The following KCNH8 variants were observed in gnomAD, a reference collection of about 807,000 sequenced individuals.
KCNH8 encodes potassium voltage-gated channel subfamily H member 8, also known as voltage-gated delayed rectifier potassium channel KCNH8.
Under a neutral mutation model 103.6 loss-of-function variants are expected in KCNH8, and 70 were observed. That is an observed-to-expected ratio of 0.68 (90% confidence interval 0.56 to 0.82). KCNH8 has a LOEUF of 0.82. KCNH8 is among the 40% of genes least tolerant of loss of function. KCNH8 has a pLI of 0.00. For synonymous variants in KCNH8, 498 were observed against 489.4 expected, an observed-to-expected ratio of 1.02 and a Z score of -0.23; for missense variants, 1,217 against 1,329.9, an observed-to-expected ratio of 0.92 and a Z score of 1.32.
At chr3:19,493,519 C>T (rs2068371342) in intron 11 of KCNH8, among the ~76,000 whole-genome samples, 1 of 152,136 alleles carries the variant, frequency 6.6e-6, no homozygotes, top group Non-Finnish European at 1.5e-5. Flanking sequence ...CCTGCTTCCC[C>T]TTCTGCCATG....
chr3:19,390,464 T>C lies in KCNH8; in HGVS notation c.812-17T>C. 6.4e-7 allele frequency: 1 copy of C among 1,562,658 alleles called. No homozygotes were observed. The highest frequency in any genetic ancestry group is 8.7e-7 in the Non-Finnish European group (1 of 1,143,652). On this transcript the variant is annotated splice_polypyrimidine_tract_variant and intron_variant, in intron 5 of 15. Transcript: ENST00000328405. ...TGTCTCTTCCTTTTATTTCTCAACC[T>C]TTTTTTTCCCAAGCAGATATTATTT... is the stretch of plus-strand genomic sequence containing the variant.
At chr3:19,271,049 G>C (rs1358323024) in intron 2 of KCNH8, among the ~76,000 whole-genome samples, 1 of 151,992 alleles carries the variant, frequency 6.6e-6, no homozygotes, top group Non-Finnish European at 1.5e-5. Context: ...AAAAATAATA[G>C]CAATATATAG....
intron 11 of KCNH8, among the ~76,000 whole-genome samples, chr3:19,465,137 C>T (rs1006911969): frequency 1.3e-5 from 2 of 152,088 alleles, no homozygotes; most frequent in African/African-American, 4.8e-5. Flanking sequence ...AAGAAGATGC[C>T]ATCTAGGAAT....
At chr3:19,303,600 G>C (rs1452240495) in intron 3 of KCNH8, among the ~76,000 whole-genome samples, 1 of 152,090 alleles carries the variant, frequency 6.6e-6, no homozygotes, top group East Asian at 1.9e-4. Flanking sequence ...TGTGCATTGA[G>C]ACAATCCTTC....
At position 19,461,378 on chromosome 3, in the gene KCNH8, A is replaced by G. The variant is rs2067625305; in HGVS notation, c.2040+4396A>G. Among the ~76,000 whole-genome samples, 5 of 152,154 alleles carry G rather than the reference A, an allele frequency of 3.3e-5. No individual in the cohort carries two copies. In the South Asian group the frequency reaches 1.0e-3, roughly 32 times the overall value. On this transcript the variant is annotated intron_variant, in intron 11 of 15. Transcript: ENST00000328405. The stretch of plus-strand genomic sequence containing the variant: ...GAAAAGTCTTGTGCACTCCCCAAGC[A>G]TACTGTGACTTTCAGGGGAACTTGT...
intron 15 of KCNH8, among the ~76,000 whole-genome samples, chr3:19,525,271 A>G (rs569420387): frequency 9.3e-4 from 141 of 152,070 alleles, no homozygotes; most frequent in Non-Finnish European, 1.7e-3. Flanking sequence ...TGTCTGTAGA[A>G]CATGAACTAG....
intron 1 of KCNH8, among the ~76,000 whole-genome samples, chr3:19,153,601 T>C (rs1466376393): frequency 6.6e-6 from 1 of 151,896 alleles, no homozygotes; most frequent in Non-Finnish European, 1.5e-5. Flanking sequence ...ATTTTTCTTT[T>C]TCTTTTTCTT....
intron 2 of KCNH8, among the ~76,000 whole-genome samples, chr3:19,272,925 A>G (rs923473299): frequency 5.3e-5 from 8 of 152,156 alleles, no homozygotes; most frequent in East Asian, 3.9e-4. Context: ...ACAGAGATCT[A>G]TTCTGTTTTG....
In KCNH8 at chr3:19,210,270, T is replaced by C. The variant is rs577866177; in HGVS notation, c.77-43384T>C. Among the ~76,000 whole-genome samples, 10 of 152,136 alleles carry C rather than the reference T, an allele frequency of 6.6e-5. No homozygotes were observed. The East Asian group carries it at 1.7e-3, about 27-fold the overall frequency. ...ACCAGCAGCACAAGGCTCTCGATGT[T>C]TTTTTTCTTTCTTCTACTTTTTTCT... On this transcript the variant is annotated intron_variant, in intron 1 of 15. Coordinates refer to ENST00000328405, the MANE Select transcript of KCNH8 (RefSeq NM_144633.3).
At chr3:19,494,165 A>T (rs2068385490) in intron 11 of KCNH8, among the ~76,000 whole-genome samples, 1 of 152,232 alleles carries the variant, frequency 6.6e-6, no homozygotes, top group Non-Finnish European at 1.5e-5. Flanking sequence ...TGCAAAGGGC[A>T]GGAGCTCATT....
intron 7 of KCNH8, among the ~76,000 whole-genome samples, chr3:19,427,192 A>T (rs1270034415): frequency 6.6e-6 from 1 of 152,178 alleles, no homozygotes; most frequent in Non-Finnish European, 1.5e-5. Context: ...CAGTGCTTTT[A>T]AAAAAACCAC....
chr3:19,391,104 C>A (rs1400428794), intron 6 of KCNH8, among the ~76,000 whole-genome samples: 2 of 151,966 alleles, frequency 1.3e-5, no homozygotes, highest in African/African-American at 4.8e-5. Context: ...ATAGAGAGGA[C>A]TATTGAATTT....
At chr3:19,347,274 G>T (rs950577987) in intron 4 of KCNH8, among the ~76,000 whole-genome samples, 5 of 152,034 alleles carry the variant, frequency 3.3e-5, no homozygotes, top group Admixed American at 1.3e-4. Flanking sequence ...GGAAAGAAAA[G>T]CACCATTGCT....
Position 19,533,762 on chromosome 3 carries a change from C to T in KCNH8, c.2987C>T (p.Ser996Phe). Residue 996 changes from serine (S) to phenylalanine (F), a missense_variant, in exon 16 of 16, where the codon TCC becomes TTC. By Grantham distance (155) the Ser-to-Phe change is radical. Coordinates refer to ENST00000328405, the MANE Select transcript of KCNH8 (RefSeq NM_144633.3). ...TCTCCAAGCCTTGATTATTCACCTT[C>T]CCACTACCAGGTTGTCCAAGAAGGT... Reference protein sequence around the residue: ...YHSPSLDYSPSHYQVVQEGHL... With the variant: ...YHSPSLDYSPFHYQVVQEGHL... 1 of 1,614,174 alleles carries T rather than the reference C, an allele frequency of 6.2e-7. No homozygotes were observed. Among genetic ancestry groups the T allele is most frequent in the East Asian group, 2.2e-5 (1 of 44,886 alleles).
intron 1 of KCNH8, among the ~76,000 whole-genome samples, chr3:19,202,573 A>G (rs1339235387): frequency 6.6e-6 from 1 of 152,126 alleles, no homozygotes; most frequent in African/African-American, 2.4e-5. Context: ...CTGCCAAGCC[A>G]CCAATGATTG....
At position 19,395,245 on chromosome 3, in the gene KCNH8, G is replaced by T; in HGVS notation, c.1111G>T (p.Ala371Ser). The T allele has an allele frequency of 6.2e-7, 1 of 1,609,948 alleles. No homozygotes were observed. The highest frequency in any genetic ancestry group is 8.5e-7 in the Non-Finnish European group (1 of 1,178,162). Residue 371 changes from alanine (A) to serine (S), a missense_variant, in exon 7 of 16, where the codon GCG becomes TCG. Ala to Ser is a moderately conservative substitution (Grantham distance 99). This residue lies in a region of KCNH8 where 415 missense variants were observed against 577.4 expected (regional missense o/e 0.72). Transcript: ENST00000328405. The part of the protein sequence containing the change: ...SMFALLAHWM[A>S]CIWYVIGKME... Reference sequence around the variant, plus strand: ...GTTTGCACTCCTTGCACACTGGATGGCGTGTATCTGGTACGTCATTGGAAA... The same window carrying T: ...GTTTGCACTCCTTGCACACTGGATGTCGTGTATCTGGTACGTCATTGGAAA...
chr3:19,472,194 TCGTGTG>T (rs1323920563), intron 11 of KCNH8, among the ~76,000 whole-genome samples: 1 of 112,564 alleles, frequency 8.9e-6, no homozygotes, highest in Non-Finnish European at 1.8e-5. Context: ...ATCACTTCAT[TCGTGTG>T]TGTGTGTGTG....
intron 15 of KCNH8, among the ~76,000 whole-genome samples, chr3:19,526,357 A>ATT (rs2069064191): frequency 6.6e-6 from 1 of 152,002 alleles, no homozygotes. Context: ...AAGCACAAGA[A>ATT]TTTTACACCA....
intron 1 of KCNH8, among the ~76,000 whole-genome samples, chr3:19,155,392 G>T (rs1231831310): frequency 6.6e-6 from 1 of 151,964 alleles, no homozygotes; most frequent in East Asian, 1.9e-4. Flanking sequence ...TACAATTGCA[G>T]CCTTTCTCTA....
Sources: gnomAD v4.1 joint callset for allele counts (sites outside exome capture counted in the v4.1 genomes callset) on GRCh38, gnomAD v4.1.1 for gene constraint, gnomAD v4.1.1 regional missense constraint, MANE v1.5 for transcripts, NCBI Gene and HGNC (gene_info 2026-07-23, HGNC 2026-07-21) for gene names.